GALNT10: variants seen among roughly 807,000 people sequenced by gnomAD.
The protein encoded by GALNT10 is GalNAc transferase 10.
In GALNT10, 41 loss-of-function variants were observed where a neutral mutation model predicts 75.0. That is an observed-to-expected ratio of 0.55 (90% confidence interval 0.43 to 0.71). The LOEUF is 0.71. Ranked by LOEUF, GALNT10 falls within the 30% of genes least tolerant of loss-of-function variation. The pLI is 0.00. For synonymous variants in GALNT10, 302 were observed against 313.0 expected, an observed-to-expected ratio of 0.96 and a Z score of 0.37; for missense variants, 727 against 818.5, an observed-to-expected ratio of 0.89 and a Z score of 1.36.
chr5:154,380,010 T>G (rs191708153), intron 5 of GALNT10, among the ~76,000 whole-genome samples: 223 of 152,258 alleles, frequency 1.5e-3, no homozygotes, highest in African/African-American at 5.1e-3. Flanking sequence ...GGGCCGTAAA[T>G]CAAGCTCAGG....
rs931595372 is a variant in GALNT10 at position 154,206,370 on chromosome 5, C to T, written c.159+15345C>T. Among the ~76,000 whole-genome samples the T allele has an allele frequency of 3.9e-5, 6 of 152,148 alleles. 1 individual carries two copies. Among genetic ancestry groups the T allele is most frequent in the Admixed American group, 3.9e-4 (6 of 15,272 alleles). On this transcript the variant is annotated intron_variant, in intron 1 of 11. Coordinates refer to ENST00000297107, the MANE Select transcript of GALNT10 (RefSeq NM_198321.4). ...AACAATTTATTTTTGTACTGGGTCC[C>T]CACTAAATTGATTTGGGGGATTACT...
In GALNT10 at chr5:154,266,272, A is replaced by G. The variant is rs563954656; in HGVS notation, c.160-28544A>G. Among the ~76,000 whole-genome samples the G allele has an allele frequency of 2.0e-5, 3 of 152,214 alleles. No individual in the cohort carries two copies. The South Asian group carries it at 6.2e-4, about 32-fold the overall frequency. ...CATGAGTGAAGAAAGCAGGCTCCAGACCTCCAATTAGGTCTTTAGATTTCA... is the reference window on the plus strand; with the variant it reads ...CATGAGTGAAGAAAGCAGGCTCCAGGCCTCCAATTAGGTCTTTAGATTTCA... On this transcript the variant is annotated intron_variant, in intron 1 of 11. Transcript: ENST00000297107.
At chr5:154,401,898 G>A (rs926329875) in intron 7 of GALNT10, among the ~76,000 whole-genome samples, 2 of 152,158 alleles carry the variant, frequency 1.3e-5, no homozygotes, top group Admixed American at 6.5e-5. Context: ...GTTTGCAGAT[G>A]TCCCCATTCC....
At chr5:154,254,846 G>A (rs1336336795) in intron 1 of GALNT10, among the ~76,000 whole-genome samples, 1 of 152,098 alleles carries the variant, frequency 6.6e-6, no homozygotes, top group Non-Finnish European at 1.5e-5. Flanking sequence ...AAGTTCAGGG[G>A]CAGGTAATTT....
chr5:154,354,470 C>A (rs1263146371), intron 4 of GALNT10, among the ~76,000 whole-genome samples: 1 of 152,150 alleles, frequency 6.6e-6, no homozygotes, highest in African/African-American at 2.4e-5. Flanking sequence ...CAGAGGAGTC[C>A]GTAGACAGAG....
At chr5:154,272,514 G>A (rs766943083) in intron 1 of GALNT10, among the ~76,000 whole-genome samples, 1 of 152,176 alleles carries the variant, frequency 6.6e-6, no homozygotes, top group Non-Finnish European at 1.5e-5. Context: ...TGTCCCTCCA[G>A]GAACACCACG....
At chr5:154,249,025 T>G (rs544494546) in intron 1 of GALNT10, among the ~76,000 whole-genome samples, 3 of 152,258 alleles carry the variant, frequency 2.0e-5, no homozygotes, top group Admixed American at 2.0e-4. Context: ...AGCTTTGCTT[T>G]CCTTTTCTGG....
In GALNT10 at chr5:154,225,920, G is replaced by A. The variant is rs1753056303; in HGVS notation, c.159+34895G>A. ...CATGCCATTGTTTTCACTCATAGGTGGGAATTGAACAATGAGAACACTTGG... is the reference window on the plus strand; with the variant it reads ...CATGCCATTGTTTTCACTCATAGGTAGGAATTGAACAATGAGAACACTTGG... On this transcript the variant is annotated intron_variant, in intron 1 of 11. Transcript: ENST00000297107. Among the ~76,000 whole-genome samples the A allele has an allele frequency of 3.3e-5, 5 of 151,992 alleles. No homozygotes were observed. In the South Asian group the frequency reaches 8.3e-4, roughly 25 times the overall value.
intron 1 of GALNT10, among the ~76,000 whole-genome samples, chr5:154,230,725 C>G (rs930483761): frequency 2.0e-5 from 3 of 152,200 alleles, no homozygotes; most frequent in Non-Finnish European, 4.4e-5. Flanking sequence ...CAGATAGGAG[C>G]TGTATGTGCC....
intron 3 of GALNT10, among the ~76,000 whole-genome samples, chr5:154,304,192 T>TAA (rs986169863): frequency 1.3e-5 from 2 of 152,188 alleles, no homozygotes; most frequent in African/African-American, 4.8e-5. Context: ...AATATTCATG[T>TAA]AATTAGGGTG....
intron 4 of GALNT10, among the ~76,000 whole-genome samples, chr5:154,335,098 G>T (rs1056350908): frequency 2.6e-5 from 4 of 152,196 alleles, no homozygotes; most frequent in African/African-American, 4.8e-5. Context: ...CAACTTGTTA[G>T]CATGGCCATT....
chr5:154,339,914 C>G (rs1169276868), intron 4 of GALNT10, among the ~76,000 whole-genome samples: 1 of 152,186 alleles, frequency 6.6e-6, no homozygotes. Context: ...GGAACTGCCC[C>G]CTTCTGTCAT....
At chr5:154,401,666 C>A (rs1295878762) in intron 7 of GALNT10, among the ~76,000 whole-genome samples, 3 of 152,060 alleles carry the variant, frequency 2.0e-5, no homozygotes, top group East Asian at 3.9e-4. Context: ...GGCAGCACTT[C>A]CAATAATTGC....
Position 154,262,057 on chromosome 5 carries a change from G to A in GALNT10, c.160-32759G>A, listed in dbSNP as rs148638419. On this transcript the variant is annotated intron_variant, in intron 1 of 11. Transcript: ENST00000297107. ...GGTTACTGGTAGTATTACCTTGTAG[G>A]CTTTAGCTGTATTGCATTTAGCTCT... Among the ~76,000 whole-genome samples, 279 of 152,286 alleles carry A rather than the reference G, an allele frequency of 1.8e-3. 2 individuals are homozygous for A. Among genetic ancestry groups the A allele is most frequent in the Non-Finnish European group, 2.5e-3 (169 of 68,010 alleles).
intron 3 of GALNT10, among the ~76,000 whole-genome samples, chr5:154,313,296 C>T (rs1048381930): frequency 6.8e-6 from 1 of 146,614 alleles, no homozygotes; most frequent in Non-Finnish European, 1.5e-5. Context: ...GGTGACAGAG[C>T]GAGACTCTTG....
At chr5:154,357,199 C>T (rs1438830461) in intron 4 of GALNT10, among the ~76,000 whole-genome samples, 2 of 152,096 alleles carry the variant, frequency 1.3e-5, no homozygotes, top group African/African-American at 4.8e-5. Flanking sequence ...AAGGGAACTA[C>T]CGGGAAACAA....
intron 4 of GALNT10, among the ~76,000 whole-genome samples, chr5:154,342,232 A>T (rs1043757187): frequency 6.6e-6 from 1 of 152,200 alleles, no homozygotes; most frequent in Admixed American, 6.5e-5. Context: ...AAACGATGCA[A>T]TGAGGACGTA....
At chr5:154,386,607 G>A in intron 7 of GALNT10, 177 bp downstream of exon 7, 1 of 604,032 alleles carries the variant, frequency 1.7e-6, no homozygotes, top group Non-Finnish European at 3.0e-6. Flanking sequence ...TGTGGGGTGG[G>A]GGGGTGTGGG....
chr5:154,389,158 A>G (rs567643413), intron 7 of GALNT10: 1 of 152,172 alleles, frequency 6.6e-6, no homozygotes, highest in Admixed American at 6.5e-5. Context: ...AAGTACCTAA[A>G]GCCTGGTCCA....
Sources: allele counts gnomAD v4.1 joint callset (sites outside exome capture counted in the v4.1 genomes callset), GRCh38; gene constraint gnomAD v4.1.1; transcripts MANE v1.5; gene names NCBI Gene and HGNC (gene_info 2026-07-23, HGNC 2026-07-21).